Variants in DDAH1 observed in about 807,000 individuals in gnomAD.
DDAH1 encodes N(G),N(G)-dimethylarginine dimethylaminohydrolase 1.
In DDAH1, 19 loss-of-function variants were observed where a neutral mutation model predicts 28.8. The ratio of observed to expected loss-of-function variants is 0.66; its 90% CI spans 0.46 to 0.97. The LOEUF (loss-of-function observed/expected upper bound fraction) is 0.97, where lower values mean the gene tolerates loss of function less well. Ranked by LOEUF, DDAH1 falls within the 50% of genes least tolerant of loss-of-function variation. DDAH1 has a pLI of 0.00. For missense variants in DDAH1, 326 were observed against 375.9 expected (o/e 0.87, Z 1.10); for synonymous variants, 153 against 154.4 (o/e 0.99, Z 0.07).
chr1:85,551,632 C>CCTTATCTG (rs1484027291), intron 1 of DDAH1, among the ~76,000 whole-genome samples: 1 of 152,222 alleles, frequency 6.6e-6, no homozygotes, highest in African/African-American at 2.4e-5. Context: ...GCTTTCTGCT[C>CCTTATCTG]CTTCAAGGGG....
chr1:85,486,208 G>A (rs1275625020), intron 2 of DDAH1, among the ~76,000 whole-genome samples: 2 of 152,148 alleles, frequency 1.3e-5, no homozygotes, highest in Non-Finnish European at 1.5e-5. Flanking sequence ...AGGAGATAAG[G>A]ATGAAAATCC....
rs1204603974 is a variant in DDAH1 at position 85,318,649 on chromosome 1, G to A, written c.*2803C>T. The A allele has an allele frequency of 1.3e-5, 2 of 152,660 alleles. No homozygotes were observed. Among genetic ancestry groups the A allele is most frequent in the Non-Finnish European group, 2.9e-5 (2 of 68,050 alleles). 9.5% of individuals were successfully genotyped at this position (152,660 alleles called of 1,614,324 possible). On this transcript the variant is annotated 3_prime_UTR_variant, in exon 6 of 6. Transcript: ENST00000284031. The stretch of plus-strand genomic sequence containing the variant: ...GATAACCATACATTGGCTGGAATGA[G>A]GTGGTCAGGAAAATAAAATGCACAA...
In DDAH1 at chr1:85,319,969, A is replaced by G. The variant is rs1413418590; in HGVS notation, c.*1483T>C. On this transcript the variant is annotated 3_prime_UTR_variant, in exon 6 of 6. Transcript: ENST00000284031. ...TGCAAACATAGAAGTGAGCAGAGCA[A>G]GATTTGAAGTGATACTTCTTAATCT... 2.0e-5 allele frequency: 3 copies of G among 152,208 alleles called. No individual in the cohort carries two copies. The highest frequency in any genetic ancestry group is 4.4e-5 in the Non-Finnish European group (3 of 68,038). 9.4% of individuals were successfully genotyped at this position (152,208 alleles called of 1,614,324 possible).
chr1:85,502,760 TAA>T (rs1461880691), intron 1 of DDAH1, among the ~76,000 whole-genome samples: 1 of 152,190 alleles, frequency 6.6e-6, no homozygotes, highest in African/African-American at 2.4e-5. Flanking sequence ...TGGCCTGCAT[TAA>T]AGAGTCCTCT....
At chr1:85,360,080 A>T (rs1341307234) in intron 1 of DDAH1, among the ~76,000 whole-genome samples, 3 of 152,250 alleles carry the variant, frequency 2.0e-5, no homozygotes, top group Non-Finnish European at 2.9e-5. Context: ...AAAATACAAC[A>T]TGCTGAGTAC....
At chr1:85,424,409 C>G (rs1653296245) in intron 1 of DDAH1, among the ~76,000 whole-genome samples, 1 of 152,064 alleles carries the variant, frequency 6.6e-6, no homozygotes, top group African/African-American at 2.4e-5. Flanking sequence ...GACTAACATA[C>G]AGAATGAATT....
intron 1 of DDAH1, among the ~76,000 whole-genome samples, chr1:85,373,453 G>A (rs11807361): frequency 0.043 from 6,506 of 152,064 alleles, 487 homozygotes; most frequent in African/African-American, 0.15. Flanking sequence ...TGGATCATGG[G>A]GGTGGTTTCC....
chr1:85,560,825 T>C (rs2100803992), intron 1 of DDAH1, among the ~76,000 whole-genome samples: 1 of 152,266 alleles, frequency 6.6e-6, no homozygotes, highest in Non-Finnish European at 1.5e-5. Flanking sequence ...AATGAGAATC[T>C]TTAATGTGTC....
At chr1:85,420,102 A>G (rs1039198669) in intron 1 of DDAH1, among the ~76,000 whole-genome samples, 1 of 152,090 alleles carries the variant, frequency 6.6e-6, no homozygotes, top group Non-Finnish European at 1.5e-5. Context: ...ACTGGGATGC[A>G]GGGAGCAGTG....
intron 1 of DDAH1, among the ~76,000 whole-genome samples, chr1:85,376,182 A>G (rs1020924127): frequency 5.3e-5 from 8 of 152,186 alleles, no homozygotes; most frequent in Admixed American, 4.6e-4. Flanking sequence ...TTGCTTTTTA[A>G]TAGCATAACT....
At chr1:85,419,679 A>T (rs1056606323) in intron 1 of DDAH1, among the ~76,000 whole-genome samples, 1 of 151,910 alleles carries the variant, frequency 6.6e-6, no homozygotes, top group South Asian at 2.1e-4. Context: ...TTCCCCTATT[A>T]TTGCCTTCTT....
chr1:85,553,742 A>G (rs1298846481), intron 1 of DDAH1, among the ~76,000 whole-genome samples: 2 of 152,226 alleles, frequency 1.3e-5, no homozygotes, highest in African/African-American at 2.4e-5. Flanking sequence ...ACTGTCAGCA[A>G]TATTGGTGGT....
At chr1:85,370,465 G>C (rs1034196624) in intron 1 of DDAH1, among the ~76,000 whole-genome samples, 9 of 152,188 alleles carry the variant, frequency 5.9e-5, no homozygotes, top group Admixed American at 5.2e-4. Flanking sequence ...AAGTATTATT[G>C]GAAGTCACTG....
chr1:85,495,762 G>A (rs1656564886), intron 2 of DDAH1: 1 of 152,250 alleles, frequency 6.6e-6, no homozygotes, highest in African/African-American at 2.4e-5. Flanking sequence ...AATGTGGACT[G>A]GAGAGACACT....
chr1:85,574,182 T>C (rs1388793589), intron 1 of DDAH1, among the ~76,000 whole-genome samples: 1 of 152,248 alleles, frequency 6.6e-6, no homozygotes, highest in Non-Finnish European at 1.5e-5. Flanking sequence ...AGTGTCCCCA[T>C]GGTTCCCAAG....
intron 1 of DDAH1, among the ~76,000 whole-genome samples, chr1:85,444,817 T>C (rs1452839573): frequency 6.6e-6 from 1 of 151,786 alleles, no homozygotes; most frequent in Non-Finnish European, 1.5e-5. Flanking sequence ...CTGACCAAAG[T>C]AGGGGGATTA....
At chr1:85,554,283 T>TC in intron 1 of DDAH1, among the ~76,000 whole-genome samples, 1 of 149,850 alleles carries the variant, frequency 6.7e-6, no homozygotes, top group Non-Finnish European at 1.5e-5. Flanking sequence ...AGAGTTTTTT[T>TC]TTTTTTTTTT....
intron 1 of DDAH1, among the ~76,000 whole-genome samples, chr1:85,452,342 A>G (rs1385175061): frequency 6.6e-6 from 1 of 152,200 alleles, no homozygotes; most frequent in Non-Finnish European, 1.5e-5. Context: ...AAATAAATAA[A>G]TAAATAAAGC....
intron 1 of DDAH1, among the ~76,000 whole-genome samples, chr1:85,383,326 A>C (rs1651091743): frequency 6.6e-6 from 1 of 152,212 alleles, no homozygotes; most frequent in Non-Finnish European, 1.5e-5. Flanking sequence ...ATGTGGTAGA[A>C]ATAGCAAGAG....
Sources: allele counts gnomAD v4.1 joint callset (sites outside exome capture counted in the v4.1 genomes callset), GRCh38; gene constraint gnomAD v4.1.1; transcripts MANE v1.5; gene names NCBI Gene and HGNC (gene_info 2026-07-23, HGNC 2026-07-21).